The following SLC35E2B variants were observed in gnomAD, a reference collection of about 807,000 sequenced individuals.
SLC35E2B encodes solute carrier family 35 member E2B.
In SLC35E2B, 18 loss-of-function variants were observed where a neutral mutation model predicts 32.4. The observed-to-expected ratio is 0.56, with a 90% CI of 0.38 to 0.82. The LOEUF is 0.82. Among genes scored for constraint, SLC35E2B ranks in the 40% least tolerant of loss-of-function variants. The pLI is 0.00. For missense variants in SLC35E2B, 263 were observed against 469.5 expected, an observed-to-expected ratio of 0.56 and a Z score of 4.06; for synonymous variants, 132 against 209.1, an observed-to-expected ratio of 0.63 and a Z score of 3.18.
chr1:1,677,654 A>AT (rs879460227), intron 2 of SLC35E2B, among the ~76,000 whole-genome samples: 205 of 138,456 alleles, frequency 1.5e-3, no homozygotes, highest in African/African-American at 3.0e-3. Context: ...ATTTTTTGTA[A>AT]TTTTTTTTTT....
rs377091481 is a variant in SLC35E2B at position 1,664,035 on chromosome 1, T to C, written c.*1747A>G. The C allele has an allele frequency of 8.3e-5, 20 of 240,040 alleles. No individual in the cohort carries two copies. In the East Asian group the frequency reaches 2.8e-3, roughly 34 times the overall value. The allele number at this position is 240,040 out of a possible 1,614,324, so 14.9% of individuals were successfully genotyped here. ...GCGAGAGCCCAGCTCAACAAAAAAA[T>C]AGCCAGGCATGGTGGCACGTGCCTG... On this transcript the variant is annotated 3_prime_UTR_variant, in exon 10 of 10. Coordinates refer to ENST00000617444, the MANE Select transcript of SLC35E2B (RefSeq NM_001290264.2).
intron 5 of SLC35E2B, among the ~76,000 whole-genome samples, chr1:1,673,843 G>A (rs1476178205): frequency 6.7e-6 from 1 of 150,044 alleles, no homozygotes; most frequent in African/African-American, 2.5e-5. Flanking sequence ...GGCGCCTGTA[G>A]TCCCAGCTAC....
At chr1:1,671,396 G>T in intron 6 of SLC35E2B, 113 bp downstream of exon 6, 1 of 1,189,614 alleles carries the variant, frequency 8.4e-7, no homozygotes, top group Non-Finnish European at 1.1e-6. Context: ...AGCATTGGAC[G>T]CACCTGCTTT....
intron 2 of SLC35E2B, among the ~76,000 whole-genome samples, chr1:1,680,071 G>C (rs988801623): frequency 6.6e-6 from 1 of 151,230 alleles, no homozygotes; most frequent in African/African-American, 2.4e-5. Context: ...AGGTTGCGGT[G>C]AGCCGAGATC....
intron 9 of SLC35E2B, among the ~76,000 whole-genome samples, chr1:1,667,234 G>A (rs954753202): frequency 2.3e-4 from 35 of 148,936 alleles, no homozygotes; most frequent in Non-Finnish European, 4.5e-4. Context: ...GTGAAACCCT[G>A]TCTCTACTAA....
intron 5 of SLC35E2B, chr1:1,674,352 G>T (rs1452942552): frequency 6.6e-6 from 1 of 152,340 alleles, no homozygotes; most frequent in Non-Finnish European, 1.5e-5. Context: ...GTATCGATAA[G>T]CTCACAGCCA....
intron 2 of SLC35E2B, among the ~76,000 whole-genome samples, chr1:1,686,556 G>A (rs1173913534): frequency 6.6e-6 from 1 of 151,864 alleles, no homozygotes; most frequent in African/African-American, 2.4e-5. Flanking sequence ...GGCCGAGGCG[G>A]GTGGATCACC....
At chr1:1,675,231 A>G (rs1557757712) in intron 5 of SLC35E2B, among the ~76,000 whole-genome samples, 1 of 142,762 alleles carries the variant, frequency 7.0e-6, no homozygotes, top group Non-Finnish European at 1.6e-5. Context: ...AGGGCCACAG[A>G]CACAACCCTG....
rs1643467364 is a variant in SLC35E2B at position 1,663,745 on chromosome 1, A to C, written c.*2037T>G. On this transcript the variant is annotated 3_prime_UTR_variant, in exon 10 of 10. Transcript: ENST00000617444. Reference sequence around the variant, plus strand: ...CTGCCTCCCAAAGTGCTGCGATTAGAGGCGTGAGCCACCGCACCCAGTCTT... The same window carrying C: ...CTGCCTCCCAAAGTGCTGCGATTAGCGGCGTGAGCCACCGCACCCAGTCTT... The C allele has an allele frequency of 3.0e-6, 2 of 666,742 alleles. No homozygotes were observed. Among genetic ancestry groups the C allele is most frequent in the Admixed American group, 1.3e-4 (2 of 15,148 alleles). 41.3% of individuals were successfully genotyped at this position (666,742 alleles called of 1,614,324 possible). A position where few individuals can be genotyped will look rare whatever the true frequency, so the allele number is the denominator to read the frequency against.
At chr1:1,668,140 C>T (rs2101092888) in intron 9 of SLC35E2B, among the ~76,000 whole-genome samples, 187 bp downstream of exon 9, 1 of 152,224 alleles carries the variant, frequency 6.6e-6, no homozygotes, top group African/African-American at 2.4e-5. Context: ...GCATGAGCCA[C>T]TGGGCCCGGC....
intron 6 of SLC35E2B, 194 bp downstream of exon 6, chr1:1,671,315 T>A: frequency 1.9e-6 from 1 of 529,574 alleles, no homozygotes; most frequent in Non-Finnish European, 3.0e-6. Flanking sequence ...CCGTCCATCC[T>A]GAAATTTCGG....
chr1:1,684,131 C>A (rs1207722589), intron 2 of SLC35E2B, among the ~76,000 whole-genome samples: 1 of 152,128 alleles, frequency 6.6e-6, no homozygotes, highest in East Asian at 1.9e-4. Flanking sequence ...GAGACGCTTG[C>A]CCCAGTGCAC....
At chr1:1,669,603 C>T in intron 8 of SLC35E2B, 61 bp downstream of exon 8, 1 of 1,456,324 alleles carries the variant, frequency 6.9e-7, no homozygotes, top group Non-Finnish European at 9.2e-7. Context: ...CATTCTGCTC[C>T]TGAATCACCG....
chr1:1,686,926 G>A (rs568990054), intron 2 of SLC35E2B, among the ~76,000 whole-genome samples: 1 of 151,234 alleles, frequency 6.6e-6, no homozygotes, highest in Non-Finnish European at 1.5e-5. Context: ...CGTGGTGACG[G>A]GCACCTGTAC....
chr1:1,673,415 A>G (rs1382945868), intron 5 of SLC35E2B: 1 of 355,968 alleles, frequency 2.8e-6, no homozygotes, highest in Non-Finnish European at 5.7e-6. Flanking sequence ...CACGCCTGGA[A>G]TCCCAGCACT....
intron 2 of SLC35E2B, among the ~76,000 whole-genome samples, chr1:1,686,648 C>A (rs569279341): frequency 1.3e-5 from 2 of 151,984 alleles, no homozygotes; most frequent in South Asian, 2.1e-4. Flanking sequence ...CGCCTGTAAT[C>A]CCAGCTACTC....
In SLC35E2B at chr1:1,677,915, C is replaced by A. The variant is rs183826338; in HGVS notation, c.-147-1069G>T. On this transcript the variant is annotated intron_variant, in intron 2 of 9. Transcript: ENST00000617444. Reference sequence around the variant, plus strand: ...TGAGGTCCAGTGGGAATCATCCCCCCAGCTGGGGCTTTGCACAGACGCCAC... The same window carrying A: ...TGAGGTCCAGTGGGAATCATCCCCCAAGCTGGGGCTTTGCACAGACGCCAC... 6.9e-4 allele frequency among the ~76,000 whole-genome samples: 105 copies of A among 152,060 alleles called. 1 individual carries two copies. Among genetic ancestry groups the A allele is most frequent in the African/African-American group, 2.4e-3 (100 of 41,440 alleles).
rs1399198461 is a variant in SLC35E2B, at chr1:1,673,466, A to C, written c.587-1837T>G. The C allele has an allele frequency of 2.6e-5, 7 of 269,062 alleles. No homozygotes were observed. In the East Asian group the frequency reaches 7.1e-4, roughly 27 times the overall value. 16.7% of individuals were successfully genotyped at this position (269,062 alleles called of 1,614,324 possible). A position where few individuals can be genotyped will look rare whatever the true frequency, so the allele number is the denominator to read the frequency against. On this transcript the variant is annotated intron_variant, in intron 5 of 9. Transcript: ENST00000617444. ...GGGCAGATCACGAGGTCAGGAGCTCAAGACCAGCATGGCCAACATGGTGAA... is the reference window on the plus strand; with the variant it reads ...GGGCAGATCACGAGGTCAGGAGCTCCAGACCAGCATGGCCAACATGGTGAA...
chr1:1,666,532 T>G (rs113155083), intron 9 of SLC35E2B, among the ~76,000 whole-genome samples: 13 of 152,280 alleles, frequency 8.5e-5, no homozygotes, highest in African/African-American at 3.1e-4. Context: ...AGATGAAATA[T>G]TTTTAAGTAA....
Sources: gnomAD v4.1 joint callset for allele counts (sites outside exome capture counted in the v4.1 genomes callset) on GRCh38, gnomAD v4.1.1 for gene constraint, MANE v1.5 for transcripts, NCBI Gene and HGNC (gene_info 2026-07-23, HGNC 2026-07-21) for gene names.